Variants in ACMSD observed in about 807,000 individuals in gnomAD.
The protein encoded by ACMSD is 2-amino-3-carboxymuconate-6-semialdehyde decarboxylase.
ACMSD carries 37 observed loss-of-function variants against 45.9 expected under a neutral mutation model. That is an observed-to-expected ratio of 0.81 (90% CI 0.62 to 1.06). The LOEUF is 1.06. Among genes scored for constraint, ACMSD ranks in the 50% least tolerant of loss-of-function variants. The pLI is 0.00. For missense variants in ACMSD, 434 were observed against 420.9 expected, an observed-to-expected ratio of 1.03 and a Z score of -0.27; for synonymous variants, 138 against 148.8, an observed-to-expected ratio of 0.93 and a Z score of 0.53.
intron 8 of ACMSD, among the ~76,000 whole-genome samples, chr2:134,875,309 A>G (rs907914813): frequency 6.6e-6 from 1 of 152,358 alleles, no homozygotes. Context: ...TGTTTTTAAA[A>G]AAGAGCTGCT....
rs73962606 is a variant in ACMSD, at chr2:134,842,455, G to A, written c.58-2778G>A. Among the ~76,000 whole-genome samples, 1,168 of 151,922 alleles carry A rather than the reference G, an allele frequency of 7.7e-3. 10 individuals carry two copies. The highest frequency in any genetic ancestry group is 0.027 in the African/African-American group (1,097 of 41,396). On this transcript the variant is annotated intron_variant, in intron 1 of 9. Transcript: ENST00000356140. ...TATTTGGGGTTGGAATAAGACTGTC[G>A]CCACAACTGCCACCCCTACCACCAT...
chr2:134,863,604 C>T lies in ACMSD; in HGVS notation c.459C>T (p.Asn153=), dbSNP rs749496752. Residue 153 remains asparagine, a synonymous_variant, in exon 5 of 10, where the codon AAC becomes AAT. Transcript: ENST00000356140. ...IGTHVNEWDL[N]AQELFPVYAA... The stretch of plus-strand genomic sequence containing the variant: ...CCCACGTCAACGAGTGGGACCTGAA[C>T]GCGCAGGAGCTCTTTCCTGTCTATG... The T allele has an allele frequency of 1.3e-5, 21 of 1,614,052 alleles. No individual in the cohort carries two copies. The highest frequency in any genetic ancestry group is 2.2e-5 in the East Asian group (1 of 44,880).
intron 8 of ACMSD, among the ~76,000 whole-genome samples, chr2:134,886,018 A>G (rs531325459): frequency 5.1e-4 from 77 of 152,282 alleles, no homozygotes; most frequent in Non-Finnish European, 9.6e-4. Context: ...AACTATTGAC[A>G]GGGTTTAAGC....
intron 8 of ACMSD, among the ~76,000 whole-genome samples, chr2:134,877,292 A>G (rs1688787425): frequency 6.6e-6 from 1 of 152,226 alleles, no homozygotes; most frequent in African/African-American, 2.4e-5. Context: ...AAACATCATT[A>G]TGTGATGCAT....
At chr2:134,873,035 A>T (rs964343778) in intron 8 of ACMSD, 3 of 204,676 alleles carry the variant, frequency 1.5e-5, no homozygotes, top group African/African-American at 6.7e-5. Context: ...TCTACCTTTC[A>T]CTAGTTGGGT....
intron 6 of ACMSD, among the ~76,000 whole-genome samples, chr2:134,868,654 T>C (rs779263511): frequency 1.3e-5 from 2 of 151,984 alleles, no homozygotes; most frequent in Non-Finnish European, 2.9e-5. Flanking sequence ...GGTTTCACCA[T>C]GTTGGCCAGG....
chr2:134,881,006 T>C (rs571209957), intron 8 of ACMSD, among the ~76,000 whole-genome samples: 11 of 152,356 alleles, frequency 7.2e-5, no homozygotes, highest in African/African-American at 2.6e-4. Flanking sequence ...ATTCACTTTC[T>C]TTATTTATTT....
intron 8 of ACMSD, among the ~76,000 whole-genome samples, chr2:134,887,220 C>T (rs1689513908): frequency 1.3e-5 from 2 of 152,018 alleles, no homozygotes; most frequent in African/African-American, 4.8e-5. Flanking sequence ...AAAATGTATA[C>T]AGATATACAA....
At chr2:134,885,166 A>C (rs1296149954) in intron 8 of ACMSD, among the ~76,000 whole-genome samples, 1 of 144,580 alleles carries the variant, frequency 6.9e-6, no homozygotes, top group African/African-American at 2.6e-5. Context: ...ACCGCACTCC[A>C]GCCTGGGTGA....
At chr2:134,845,384 G>A in intron 2 of ACMSD, 107 bp downstream of exon 2, 1 of 1,200,244 alleles carries the variant, frequency 8.3e-7, no homozygotes, top group Non-Finnish European at 1.2e-6. Flanking sequence ...TTCTGCCCAT[G>A]TATTAGCTTT....
In ACMSD at chr2:134,838,662, T is replaced by C; in HGVS notation, c.-21T>C. 1 of 1,601,660 alleles carries C rather than the reference T, an allele frequency of 6.2e-7. No homozygotes were observed. ...TGATATCAAAACTTCTTTCCTTGCA[T>C]GCTTCTCTGATCCTGTGGAGATGAA... On this transcript the variant is annotated 5_prime_UTR_variant, in exon 1 of 10. The change abolishes an upstream ATG in the 5' untranslated region. Transcript: ENST00000356140.
At chr2:134,860,912 C>A (rs2104851612) in intron 3 of ACMSD, among the ~76,000 whole-genome samples, 1 of 150,202 alleles carries the variant, frequency 6.7e-6, no homozygotes, top group East Asian at 2.0e-4. Flanking sequence ...CACCTGTGAT[C>A]CCAGCTACTC....
chr2:134,838,849 C>T (rs187966114), intron 1 of ACMSD, 110 bp downstream of exon 1: 59 of 730,954 alleles, frequency 8.1e-5, no homozygotes, highest in African/African-American at 1.1e-4. Flanking sequence ...TGGTGGGGGG[C>T]GAGGGGGTTA....
intron 2 of ACMSD, among the ~76,000 whole-genome samples, chr2:134,850,846 A>G (rs1446295215): frequency 6.6e-6 from 1 of 152,148 alleles, no homozygotes; most frequent in Admixed American, 6.5e-5. Context: ...ACCTGGGTGT[A>G]TCAAGTGACG....
chr2:134,884,194 T>C (rs1689199219), intron 8 of ACMSD, among the ~76,000 whole-genome samples: 1 of 152,144 alleles, frequency 6.6e-6, no homozygotes, highest in Non-Finnish European at 1.5e-5. Context: ...TTGTGAACAA[T>C]AGTTACTAAA....
At chr2:134,847,449 TATAG>T (rs1553508824) in intron 2 of ACMSD, among the ~76,000 whole-genome samples, 5 of 128,718 alleles carry the variant, frequency 3.9e-5, no homozygotes, top group South Asian at 5.0e-4. Context: ...GATAGATAGA[TATAG>T]ATAGAGATAG....
intron 2 of ACMSD, among the ~76,000 whole-genome samples, chr2:134,846,719 GACTC>G (rs1242052284): frequency 2.0e-5 from 3 of 152,120 alleles, no homozygotes; most frequent in Admixed American, 6.5e-5. Context: ...TTCATTCACT[GACTC>G]ACTACTTTTT....
At chr2:134,885,620 T>C (rs1214387040) in intron 8 of ACMSD, among the ~76,000 whole-genome samples, 1 of 150,826 alleles carries the variant, frequency 6.6e-6, no homozygotes, top group Non-Finnish European at 1.5e-5. Flanking sequence ...ATAAGAAACA[T>C]GCTCAAAAGT....
intron 8 of ACMSD, among the ~76,000 whole-genome samples, chr2:134,882,466 A>T (rs1411982556): frequency 6.6e-6 from 1 of 152,218 alleles, no homozygotes; most frequent in Non-Finnish European, 1.5e-5. Flanking sequence ...ACTATGCCAA[A>T]GGACTGTATA....
Sources: allele counts gnomAD v4.1 joint callset (sites outside exome capture counted in the v4.1 genomes callset), GRCh38; gene constraint gnomAD v4.1.1; transcripts MANE v1.5; gene names NCBI Gene and HGNC (gene_info 2026-07-23, HGNC 2026-07-21).